The following LEKR1 variants were observed in gnomAD, a reference collection of about 807,000 sequenced individuals.
LEKR1 encodes the protein leucine, glutamate and lysine rich 1.
Under a neutral mutation model 72.4 loss-of-function variants are expected in LEKR1, and 59 were observed. The observed-to-expected ratio is 0.82, with a 90% CI of 0.66 to 1.01. The LOEUF is 1.01. LEKR1 is among the 50% of genes least tolerant of loss of function. The pLI is 0.00. For synonymous variants in LEKR1, 257 were observed against 263.2 expected, an observed-to-expected ratio of 0.98 and a Z score of 0.23; for missense variants, 728 against 759.2, an observed-to-expected ratio of 0.96 and a Z score of 0.48.
Position 156,866,028 on chromosome 3 carries a change from AT to A in LEKR1, c.263+13047del, listed in dbSNP as rs1330085909. Among the ~76,000 whole-genome samples, 5 of 152,184 alleles carry A rather than the reference AT, an allele frequency of 3.3e-5. No individual in the cohort carries two copies. In the East Asian group the frequency reaches 9.6e-4, roughly 29 times the overall value. On this transcript the variant is annotated intron_variant, in intron 3 of 12. Transcript: ENST00000356539. ...ATGTTTGCATTCCTGGCTAAGTTCC[AT>A]GAAAACCAGTCTGATTCTTTGCTTT... is the stretch of plus-strand genomic sequence containing the variant.
chr3:156,976,274 A>G (rs1729681366), intron 6 of LEKR1, among the ~76,000 whole-genome samples: 1 of 152,192 alleles, frequency 6.6e-6, no homozygotes, highest in Non-Finnish European at 1.5e-5. Context: ...CATATCAAGT[A>G]CCAGTTCTTT....
chr3:157,045,881 T>G lies in LEKR1; in HGVS notation c.*131T>G, dbSNP rs1451152556. 2.4e-6 allele frequency: 2 copies of G among 826,358 alleles called. No individual in the cohort carries two copies. The highest frequency in any genetic ancestry group is 3.7e-6 in the Non-Finnish European group (2 of 545,630). 51.2% of individuals were successfully genotyped at this position (826,358 alleles called of 1,614,324 possible). Reference sequence around the variant, plus strand: ...TCAGGAAGGCATACCTATAGATGTATTTAACAAAAGACTGTAAAAAGCTGG... The same window carrying G: ...TCAGGAAGGCATACCTATAGATGTAGTTAACAAAAGACTGTAAAAAGCTGG... On this transcript the variant is annotated 3_prime_UTR_variant, in exon 13 of 13. Transcript: ENST00000356539.
At chr3:156,966,493 G>T (rs1456408932) in intron 6 of LEKR1, among the ~76,000 whole-genome samples, 1 of 152,220 alleles carries the variant, frequency 6.6e-6, no homozygotes, top group East Asian at 1.9e-4. Context: ...CCCGCACCGG[G>T]CGTGGAGGGT....
At chr3:156,917,429 A>G (rs985810060) in intron 3 of LEKR1, among the ~76,000 whole-genome samples, 5 of 151,974 alleles carry the variant, frequency 3.3e-5, no homozygotes, top group African/African-American at 1.2e-4. Context: ...ACATGATGAT[A>G]CATTGTGATC....
chr3:157,012,157 A>G (rs1732941951), intron 10 of LEKR1, among the ~76,000 whole-genome samples: 1 of 152,126 alleles, frequency 6.6e-6, no homozygotes, highest in East Asian at 1.9e-4. Flanking sequence ...AGCTCTAGTC[A>G]TTGAGTTAAA....
chr3:156,985,050 A>G (rs1730556689), intron 7 of LEKR1, among the ~76,000 whole-genome samples: 1 of 151,988 alleles, frequency 6.6e-6, no homozygotes, highest in Non-Finnish European at 1.5e-5. Context: ...GTCAGTGTAC[A>G]GATCCATTTT....
chr3:157,031,431 T>C (rs1201613839), intron 12 of LEKR1, among the ~76,000 whole-genome samples: 1 of 151,774 alleles, frequency 6.6e-6, no homozygotes, highest in Non-Finnish European at 1.5e-5. Flanking sequence ...TAGACTAGAG[T>C]TTCCTTTAGA....
chr3:156,829,264 C>A, intron 1 of LEKR1, 22 bp from the exon 2 acceptor site: 1 of 870,682 alleles, frequency 1.1e-6, no homozygotes, highest in Non-Finnish European at 1.8e-6. Context: ...TCTGTTCTGA[C>A]TGTTGCCATC....
At chr3:156,851,981 TG>T (rs1715420782) in intron 2 of LEKR1, among the ~76,000 whole-genome samples, 1 of 152,146 alleles carries the variant, frequency 6.6e-6, no homozygotes, top group South Asian at 2.1e-4. Flanking sequence ...ACTGGCCCTA[TG>T]CTGGCCAAAA....
At chr3:156,878,488 G>T (rs1294523662) in intron 3 of LEKR1, among the ~76,000 whole-genome samples, 5 of 151,948 alleles carry the variant, frequency 3.3e-5, no homozygotes, top group African/African-American at 1.2e-4. Context: ...GGCCTGAGAG[G>T]ATACTTAATA....
chr3:157,035,367 A>G (rs1734889144), intron 12 of LEKR1, among the ~76,000 whole-genome samples: 1 of 152,186 alleles, frequency 6.6e-6, no homozygotes, highest in South Asian at 2.1e-4. Context: ...CCCAGTTCCC[A>G]AGAAGCCCCT....
chr3:156,852,989 T>A lies in LEKR1; in HGVS notation c.263+7T>A. On this transcript the variant is annotated splice_region_variant and intron_variant, in intron 3 of 12. Transcript: ENST00000356539. ...ACAAATCCAAAACAGAAAGGTTGAGTATGTTTTTCTTTTCTATCATTTATT... is the reference window on the plus strand; with the variant it reads ...ACAAATCCAAAACAGAAAGGTTGAGAATGTTTTTCTTTTCTATCATTTATT... The A allele has an allele frequency of 6.6e-7, 1 of 1,512,978 alleles. No homozygotes were observed. Among genetic ancestry groups the A allele is most frequent in the Non-Finnish European group, 8.9e-7 (1 of 1,127,476 alleles). The allele number at this position is 1,512,978 out of a possible 1,614,324, so 93.7% of individuals were successfully genotyped here.
Position 157,028,197 on chromosome 3 carries a change from A to G in LEKR1, c.1463A>G (p.Glu488Gly), listed in dbSNP as rs756811321. Residue 488 changes from glutamate to glycine, a missense_variant, in exon 12 of 13, where the codon GAA becomes GGA. Physicochemically the swap from Glu to Gly is moderately conservative, Grantham distance 98. Coordinates refer to ENST00000356539, the MANE Select transcript of LEKR1 (RefSeq NM_001004316.3). ...CACAAATCCCATATTCGGTACACTGAAGAATCTAATTCAAAGGAAAAAGAA... is the reference window on the plus strand; with the variant it reads ...CACAAATCCCATATTCGGTACACTGGAGAATCTAATTCAAAGGAAAAAGAA... ...KLHKSHIRYT[E>G]ESNSKEKEIE... The G allele has an allele frequency of 9.9e-6, 16 of 1,612,150 alleles. No homozygotes were observed. In the Admixed American group the frequency reaches 2.7e-4, roughly 27 times the overall value.
chr3:156,988,646 C>A, intron 7 of LEKR1: 1 of 237,418 alleles, frequency 4.2e-6, no homozygotes, highest in South Asian at 9.2e-5. Flanking sequence ...ACCAGTCCCT[C>A]CACCAATGCC....
intron 3 of LEKR1, among the ~76,000 whole-genome samples, chr3:156,858,170 A>G (rs1438638411): frequency 6.6e-6 from 1 of 152,158 alleles, no homozygotes; most frequent in African/African-American, 2.4e-5. Flanking sequence ...CCTCTTATTT[A>G]GAAGCTTTCC....
chr3:156,999,455 C>T (rs1246768877), intron 9 of LEKR1, among the ~76,000 whole-genome samples: 1 of 152,040 alleles, frequency 6.6e-6, no homozygotes, highest in African/African-American at 2.4e-5. Flanking sequence ...GCTCTTTCAC[C>T]TATCCGCAGG....
chr3:156,982,716 A>G (rs923261347), intron 7 of LEKR1, among the ~76,000 whole-genome samples: 6 of 152,192 alleles, frequency 3.9e-5, no homozygotes, highest in African/African-American at 1.4e-4. Context: ...TAATATCTAG[A>G]TTAATTAAGG....
chr3:156,901,590 G>C (rs776484935), intron 3 of LEKR1, among the ~76,000 whole-genome samples: 17 of 152,296 alleles, frequency 1.1e-4, no homozygotes, highest in Admixed American at 3.9e-4. Flanking sequence ...TAATAATCCA[G>C]AGGTGTTGCA....
In LEKR1 at chr3:157,045,676, G is replaced by T; in HGVS notation, c.2005G>T (p.Gly669Cys). 4 of 1,613,920 alleles carry T rather than the reference G, an allele frequency of 2.5e-6. No homozygotes were observed. The highest frequency in any genetic ancestry group is 3.4e-6 in the Non-Finnish European group (4 of 1,180,006). ...PILPQPHPPR[G>C]GASSANETRQ... ...TCTCCCCCAGCCACATCCTCCCAGGGGTGGAGCATCTTCAGCAAATGAGAC... is the reference window on the plus strand; with the variant it reads ...TCTCCCCCAGCCACATCCTCCCAGGTGTGGAGCATCTTCAGCAAATGAGAC... Residue 669 changes from glycine (G) to cysteine (C), a missense_variant, in exon 13 of 13, where the codon GGT becomes TGT. Coordinates refer to ENST00000356539, the MANE Select transcript of LEKR1 (RefSeq NM_001004316.3).
Sources: allele counts gnomAD v4.1 joint callset (sites outside exome capture counted in the v4.1 genomes callset), GRCh38; gene constraint gnomAD v4.1.1; transcripts MANE v1.5; gene names NCBI Gene and HGNC (gene_info 2026-07-23, HGNC 2026-07-21).